SPIDR: variants seen among roughly 807,000 people sequenced by gnomAD.
SPIDR encodes the protein DNA repair-scaffolding protein.
Under a neutral mutation model 104.6 loss-of-function variants are expected in SPIDR, and 93 were observed. The observed-to-expected ratio is 0.89, with a 90% CI of 0.75 to 1.06. The LOEUF is 1.06. Among genes scored for constraint, SPIDR ranks in the 50% least tolerant of loss-of-function variants. The pLI, the probability that SPIDR is intolerant of heterozygous loss-of-function variation, is 0.00. For synonymous variants in SPIDR, 431 were observed against 416.9 expected, an observed-to-expected ratio of 1.03 and a Z score of -0.41; for missense variants, 1,154 against 1,111.2, an observed-to-expected ratio of 1.04 and a Z score of -0.55.
At chr8:47,359,216 G>A (rs958096221) in intron 5 of SPIDR, among the ~76,000 whole-genome samples, 31 of 147,102 alleles carry the variant, frequency 2.1e-4, no homozygotes, top group Non-Finnish European at 1.6e-4. Flanking sequence ...ACTGCAGTCC[G>A]CAGTCCGGCC....
At chr8:47,486,631 A>G (rs2077672241) in intron 8 of SPIDR, among the ~76,000 whole-genome samples, 1 of 152,250 alleles carries the variant, frequency 6.6e-6, no homozygotes, top group African/African-American at 2.4e-5. Flanking sequence ...AGGGAAGCCC[A>G]TCAGACTAAC....
chr8:47,535,309 A>C (rs1007800989), intron 8 of SPIDR, among the ~76,000 whole-genome samples: 4 of 152,236 alleles, frequency 2.6e-5, no homozygotes, highest in Non-Finnish European at 5.9e-5. Flanking sequence ...ACACTTAAGC[A>C]CTAAGTGCAG....
chr8:47,452,840 T>C (rs2072103764), intron 8 of SPIDR, among the ~76,000 whole-genome samples: 1 of 152,076 alleles, frequency 6.6e-6, no homozygotes, highest in Non-Finnish European at 1.5e-5. Context: ...CTATTCAACA[T>C]AGTGTTGGAA....
intron 5 of SPIDR, among the ~76,000 whole-genome samples, chr8:47,299,339 G>A (rs1554575425): frequency 6.6e-6 from 1 of 152,338 alleles, no homozygotes; most frequent in East Asian, 1.9e-4. Context: ...GTCAGCTTAA[G>A]GAGATTTTGG....
At chr8:47,329,982 G>A (rs902750105) in intron 5 of SPIDR, among the ~76,000 whole-genome samples, 18 of 152,078 alleles carry the variant, frequency 1.2e-4, no homozygotes, top group Admixed American at 8.5e-4. Context: ...AAACAAATAC[G>A]CACATATGCT....
chr8:47,443,486 G>A (rs1032910360), intron 8 of SPIDR, among the ~76,000 whole-genome samples: 7 of 149,320 alleles, frequency 4.7e-5, no homozygotes, highest in East Asian at 4.0e-4. Context: ...TGAAAGAATC[G>A]CTTGAGCCCA....
At chr8:47,350,122 TAATC>T (rs2053169225) in intron 5 of SPIDR, among the ~76,000 whole-genome samples, 1 of 152,238 alleles carries the variant, frequency 6.6e-6, no homozygotes, top group Non-Finnish European at 1.5e-5. Context: ...TTTTTCTTAA[TAATC>T]CAACAAATTT....
chr8:47,681,131 GA>G (rs1436556507), intron 11 of SPIDR, among the ~76,000 whole-genome samples: 2 of 152,228 alleles, frequency 1.3e-5, no homozygotes, highest in African/African-American at 4.8e-5. Flanking sequence ...AGCAACAGTA[GA>G]CACCTTCTAC....
intron 10 of SPIDR, among the ~76,000 whole-genome samples, chr8:47,624,178 T>C (rs939492307): frequency 3.9e-5 from 6 of 152,332 alleles, no homozygotes; most frequent in Admixed American, 1.3e-4. Context: ...AAGATGTTCT[T>C]TGAAACCAAT....
intron 8 of SPIDR, among the ~76,000 whole-genome samples, chr8:47,522,079 G>A (rs750136386): frequency 1.5e-4 from 23 of 151,302 alleles, no homozygotes; most frequent in East Asian, 2.0e-4. Flanking sequence ...CAGGAGAATC[G>A]CTTGAACCTG....
At chr8:47,576,938 CATA>C (rs2059198109) in intron 8 of SPIDR, among the ~76,000 whole-genome samples, 1 of 152,148 alleles carries the variant, frequency 6.6e-6, no homozygotes, top group Non-Finnish European at 1.5e-5. Flanking sequence ...TTTGACCTGC[CATA>C]CAACAGTACC....
intron 10 of SPIDR, among the ~76,000 whole-genome samples, chr8:47,606,972 CAG>C (rs779373664): frequency 4.6e-5 from 7 of 152,226 alleles, no homozygotes; most frequent in South Asian, 4.1e-4. Context: ...GTCAACAACA[CAG>C]GGGACCATTT....
intron 8 of SPIDR, among the ~76,000 whole-genome samples, chr8:47,543,185 C>CAAG (rs1473151511): frequency 1.3e-5 from 2 of 152,052 alleles, no homozygotes; most frequent in African/African-American, 4.8e-5. Context: ...GATAAATACC[C>CAAG]AAGAGTGCAA....
intron 8 of SPIDR, among the ~76,000 whole-genome samples, chr8:47,538,032 A>G (rs2154387358): frequency 6.6e-6 from 1 of 152,106 alleles, no homozygotes; most frequent in African/African-American, 2.4e-5. Context: ...AAAATTAGTC[A>G]GGCGTGGTGA....
At chr8:47,320,335 C>A (rs539050266) in intron 5 of SPIDR, among the ~76,000 whole-genome samples, 5 of 152,302 alleles carry the variant, frequency 3.3e-5, no homozygotes, top group African/African-American at 1.2e-4. Context: ...CGCAAATAAA[C>A]TAGAAAATCT....
intron 5 of SPIDR, chr8:47,330,926 G>T (rs1182942465): frequency 2.7e-5 from 10 of 364,870 alleles, no homozygotes; most frequent in African/African-American, 1.9e-4. Flanking sequence ...ATAAGAAACT[G>T]CCAAACTGTC....
chr8:47,486,937 A>G (rs1483028384), intron 8 of SPIDR, among the ~76,000 whole-genome samples: 4 of 152,258 alleles, frequency 2.6e-5, no homozygotes, highest in Admixed American at 2.6e-4. Flanking sequence ...AAGAAACTGC[A>G]TTAACTAACG....
In SPIDR at chr8:47,611,815, TAGA is replaced by T. The variant is rs1422967859; in HGVS notation, c.1544+12624_1544+12626del. ...AAATTAAGCAACCACAGGCAGATGA[TAGA>T]AGAATTAAAATATGACATTTAACAT... On this transcript the variant is annotated intron_variant, in intron 10 of 19. Transcript: ENST00000297423. Among the ~76,000 whole-genome samples the T allele has an allele frequency of 1.3e-5, 2 of 152,232 alleles. 1 individual carries two copies. Among genetic ancestry groups the T allele is most frequent in the African/African-American group, 4.8e-5 (2 of 41,540 alleles).
chr8:47,329,450 T>G (rs2048292641), intron 5 of SPIDR, among the ~76,000 whole-genome samples: 1 of 152,156 alleles, frequency 6.6e-6, no homozygotes, highest in Non-Finnish European at 1.5e-5. Context: ...TCAAGTGGTC[T>G]GTCCACCTTG....
Sources: gnomAD v4.1 joint callset for allele counts (sites outside exome capture counted in the v4.1 genomes callset) on GRCh38, gnomAD v4.1.1 for gene constraint, MANE v1.5 for transcripts, NCBI Gene and HGNC (gene_info 2026-07-23, HGNC 2026-07-21) for gene names.